The following NSUN7 variants were observed in gnomAD, a reference collection of about 807,000 sequenced individuals.
NSUN7 encodes NOP2/Sun RNA methyltransferase family member 7.
Under a neutral mutation model 58.5 loss-of-function variants are expected in NSUN7, and 39 were observed. The observed-to-expected ratio is 0.67, with a 90% CI of 0.52 to 0.87. The LOEUF is 0.87. NSUN7 is among the 40% of genes least tolerant of loss of function. The pLI is 0.00. For synonymous variants in NSUN7, 278 were observed against 303.7 expected, an observed-to-expected ratio of 0.92 and a Z score of 0.88; for missense variants, 765 against 844.1, an observed-to-expected ratio of 0.91 and a Z score of 1.16.
chr4:40,759,708 C>T (rs1005866916), intron 2 of NSUN7, among the ~76,000 whole-genome samples: 2 of 152,204 alleles, frequency 1.3e-5, no homozygotes, highest in African/African-American at 4.8e-5. Context: ...TATAGACCAA[C>T]ATCCCTCATG....
chr4:40,810,373 G>A lies in NSUN7; in HGVS notation c.*1434G>A, dbSNP rs1744169666. 1 of 151,874 alleles carries A rather than the reference G, an allele frequency of 6.6e-6. No homozygotes were observed. Among genetic ancestry groups the A allele is most frequent in the Admixed American group, 6.6e-5 (1 of 15,240 alleles). The allele number at this position is 151,874 out of a possible 1,614,324, so 9.4% of individuals were successfully genotyped here. ...CCACTTGAGCACCGGAGTTCCAGAC[G>A]AGCCTGGACAACATGGCGAAACCCC... On this transcript the variant is annotated 3_prime_UTR_variant, in exon 12 of 12. Coordinates refer to ENST00000381782, the MANE Select transcript of NSUN7 (RefSeq NM_024677.6).
chr4:40,807,155 GGTT>G lies in NSUN7; in HGVS notation c.1499_1501del (p.Cys500del). On this transcript the variant is annotated inframe_deletion, in exon 11 of 12. Transcript: ENST00000381782. Reference sequence around the variant, plus strand: ...AATGGAACCATCTGAAATTACCAATGGTTGTTTTCTTTCTATTTTAACAAGGGA... The same window carrying G: ...AATGGAACCATCTGAAATTACCAATGGTTTTCTTTCTATTTTAACAAGGGA... The G allele has an allele frequency of 2.6e-6, 4 of 1,549,240 alleles. No individual in the cohort carries two copies. The highest frequency in any genetic ancestry group is 3.5e-6 in the Non-Finnish European group (4 of 1,146,254).
chr4:40,764,593 C>T (rs1197518619), intron 4 of NSUN7, among the ~76,000 whole-genome samples: 1 of 151,974 alleles, frequency 6.6e-6, no homozygotes, highest in East Asian at 1.9e-4. Flanking sequence ...GGGTATATAC[C>T]CAGTAACGGG....
intron 11 of NSUN7, among the ~76,000 whole-genome samples, chr4:40,807,937 G>A (rs1743879217): frequency 6.6e-6 from 1 of 150,860 alleles, no homozygotes; most frequent in South Asian, 2.1e-4. Context: ...CTACTCAGAA[G>A]GCTGAGGCAG....
At chr4:40,772,643 A>G (rs1335402645) in intron 4 of NSUN7, among the ~76,000 whole-genome samples, 2 of 152,222 alleles carry the variant, frequency 1.3e-5, no homozygotes, top group East Asian at 3.8e-4. Flanking sequence ...TAGAATAAGG[A>G]CACTGCAGGC....
Position 40,775,071 on chromosome 4 carries a change from A to G in NSUN7, c.825+121A>G. On this transcript the variant is annotated intron_variant, in intron 6 of 11. Transcript: ENST00000381782. This position sits in a 1 kb window ranked among gnomAD's most constrained non-coding sequence, Gnocchi z 4.3. ...TTATAGATTATCAGGGAGGTTTATA[A>G]GGCCTAATTGTCACCTTGAATAAAA... The G allele has an allele frequency of 8.0e-6, 4 of 502,328 alleles. No individual in the cohort carries two copies. In the East Asian group the frequency reaches 1.3e-4, roughly 17 times the overall value. 31.1% of individuals were successfully genotyped at this position (502,328 alleles called of 1,614,324 possible).
At chr4:40,772,691 A>G (rs1742069630) in intron 4 of NSUN7, among the ~76,000 whole-genome samples, 1 of 152,188 alleles carries the variant, frequency 6.6e-6, no homozygotes, top group South Asian at 2.1e-4. Context: ...GTTGGTGCTA[A>G]AAAAATAACA....
rs1283360251 is a variant in NSUN7 at position 40,808,437 on chromosome 4, T to A, written c.1655T>A (p.Leu552Ter). 7 of 1,608,292 alleles carry A rather than the reference T, an allele frequency of 4.4e-6. No individual in the cohort carries two copies. The highest frequency in any genetic ancestry group is 5.1e-6 in the Non-Finnish European group (6 of 1,176,416). ...AAGAAGAAAAAATCAAAAACATCATTGACAAAAGGTGCCACTACTGATAAT... is the reference window on the plus strand; with the variant it reads ...AAGAAGAAAAAATCAAAAACATCATAGACAAAAGGTGCCACTACTGATAAT... ...EKKKKKSKTS[L>*]TKGATTDNGI... The change falls in exon 12 of 12, where the codon TTG (leucine) becomes TAG (stop). Residue 552 changes from leucine (L) to a stop codon, truncating the protein, a stop_gained. Transcript: ENST00000381782. LOFTEE classifies it low-confidence loss of function (END_TRUNC).
In NSUN7 at chr4:40,777,710, T is replaced by C. The variant is rs569696053; in HGVS notation, c.1036+1451T>C. Among the ~76,000 whole-genome samples, 5 of 152,344 alleles carry C rather than the reference T, an allele frequency of 3.3e-5. No individual in the cohort carries two copies. In the East Asian group the frequency reaches 9.6e-4, roughly 29 times the overall value. ...AAGATATGACTAAAACAGAAAGCACTGCAGTAGAAGCAGACCCACAGTGTA... is the reference window on the plus strand; with the variant it reads ...AAGATATGACTAAAACAGAAAGCACCGCAGTAGAAGCAGACCCACAGTGTA... On this transcript the variant is annotated intron_variant, in intron 7 of 11. Transcript: ENST00000381782.
At position 40,808,554 on chromosome 4, in the gene NSUN7, A is replaced by C; in HGVS notation, c.1772A>C (p.Gln591Pro). The C allele has an allele frequency of 6.4e-7, 1 of 1,551,806 alleles. No individual in the cohort carries two copies. Among genetic ancestry groups the C allele is most frequent in the Non-Finnish European group, 8.7e-7 (1 of 1,147,008 alleles). ...ACTGTAACAAAACCACCTCTTCCCCAGAAAAATACTGCTCAAGTGGGGGCT... is the reference window on the plus strand; with the variant it reads ...ACTGTAACAAAACCACCTCTTCCCCCGAAAAATACTGCTCAAGTGGGGGCT... Reference protein sequence around the residue: ...SETVTKPPLPQKNTAQVGASS... With the variant: ...SETVTKPPLPPKNTAQVGASS... The change falls in exon 12 of 12, where the codon CAG (glutamine) becomes CCG (proline). Residue 591 changes from glutamine (Q) to proline (P), a missense_variant. Physicochemically the swap from Gln to Pro is moderately conservative, Grantham distance 76 (BLOSUM62 -1). Coordinates refer to ENST00000381782, the MANE Select transcript of NSUN7 (RefSeq NM_024677.6).
At chr4:40,761,049 CTA>C in intron 3 of NSUN7, 120 bp from the exon 4 acceptor site, 1 of 717,744 alleles carries the variant, frequency 1.4e-6, no homozygotes, top group South Asian at 1.9e-5. Context: ...TCCAATCAGA[CTA>C]TGTAAAAATA....
chr4:40,792,933 T>C (rs930538972), intron 8 of NSUN7, among the ~76,000 whole-genome samples: 2 of 152,128 alleles, frequency 1.3e-5, no homozygotes, highest in African/African-American at 4.8e-5. Context: ...TAAACTTAGA[T>C]ACAAGGTAGA....
At chr4:40,773,835 C>G (rs1413738082) in intron 4 of NSUN7, among the ~76,000 whole-genome samples, 3 of 152,052 alleles carry the variant, frequency 2.0e-5, no homozygotes, top group Non-Finnish European at 4.4e-5. Context: ...GAGTTTTGCT[C>G]TTGTTGCCCA....
intron 8 of NSUN7, among the ~76,000 whole-genome samples, chr4:40,794,102 A>G (rs1743217418): frequency 6.6e-6 from 1 of 152,174 alleles, no homozygotes; most frequent in African/African-American, 2.4e-5. Flanking sequence ...GACTTATATG[A>G]CTACTTGGAT....
intron 2 of NSUN7, among the ~76,000 whole-genome samples, chr4:40,751,620 G>A (rs1291171366): frequency 3.3e-5 from 5 of 152,162 alleles, no homozygotes; most frequent in Non-Finnish European, 7.3e-5. Flanking sequence ...ATAGCCACTA[G>A]CTTTAATGGG....
chr4:40,789,449 T>C (rs1370258067), intron 7 of NSUN7, among the ~76,000 whole-genome samples: 2 of 152,148 alleles, frequency 1.3e-5, no homozygotes, highest in East Asian at 1.9e-4. Flanking sequence ...GCGAGCCAGA[T>C]TAGATATTTG....
At chr4:40,808,224 T>C in intron 11 of NSUN7, 83 bp from the exon 12 acceptor site, 3 of 1,450,226 alleles carry the variant, frequency 2.1e-6, no homozygotes, top group Non-Finnish European at 2.8e-6. Flanking sequence ...GTCTTTTTAT[T>C]TTTACTGATA....
intron 4 of NSUN7, among the ~76,000 whole-genome samples, chr4:40,773,838 G>A (rs1742130213): frequency 6.6e-6 from 1 of 152,118 alleles, no homozygotes; most frequent in Admixed American, 6.5e-5. Context: ...TTTTGCTCTT[G>A]TTGCCCAGGC....
chr4:40,789,045 A>T (rs2154288521), intron 7 of NSUN7, among the ~76,000 whole-genome samples: 1 of 152,338 alleles, frequency 6.6e-6, no homozygotes, highest in South Asian at 2.1e-4. Context: ...TAGAATTAGA[A>T]TATGAGTGTT....
Sources: allele counts gnomAD v4.1 joint callset (sites outside exome capture counted in the v4.1 genomes callset), GRCh38; gene constraint gnomAD v4.1.1; non-coding constraint Gnocchi (gnomAD v3.1); transcripts MANE v1.5; gene names NCBI Gene and HGNC (gene_info 2026-07-23, HGNC 2026-07-21).